RNF150: variants seen among roughly 807,000 people sequenced by gnomAD.
RNF150 encodes the protein ring finger protein 150.
A neutral mutation model predicts 39.3 loss-of-function variants in RNF150; 24 were observed. That is an observed-to-expected ratio of 0.61 (90% CI 0.44 to 0.86). RNF150 has a LOEUF of 0.86. Ranked by LOEUF, RNF150 falls within the 40% of genes least tolerant of loss-of-function variation. The pLI is 0.00. For synonymous variants in RNF150, 255 were observed against 227.3 expected (o/e 1.12, Z -1.10); for missense variants, 502 against 587.8 (o/e 0.85, Z 1.51).
At chr4:141,175,213 G>A (rs1179557496) in intron 1 of RNF150, among the ~76,000 whole-genome samples, 2 of 152,204 alleles carry the variant, frequency 1.3e-5, no homozygotes, top group Non-Finnish European at 2.9e-5. Flanking sequence ...CCGATTCGCT[G>A]TGCAACCTTG....
intron 1 of RNF150, among the ~76,000 whole-genome samples, chr4:141,111,163 C>T (rs1183678437): frequency 6.6e-6 from 1 of 152,182 alleles, no homozygotes; most frequent in African/African-American, 2.4e-5. Flanking sequence ...ACCATTGATC[C>T]TGAGGAATGG....
intron 1 of RNF150, among the ~76,000 whole-genome samples, chr4:141,145,507 A>T (rs188747665): frequency 4.1e-4 from 63 of 152,322 alleles, no homozygotes; most frequent in African/African-American, 1.4e-3. Flanking sequence ...CAGAGTGAGT[A>T]TGTAGGTGTA....
At chr4:141,105,665 T>C (rs1249707213) in intron 1 of RNF150, among the ~76,000 whole-genome samples, 1 of 152,102 alleles carries the variant, frequency 6.6e-6, no homozygotes, top group African/African-American at 2.4e-5. Context: ...TGAATCCACA[T>C]TTTCCTTCCA....
At chr4:141,033,867 C>A (rs1736043392) in intron 1 of RNF150, among the ~76,000 whole-genome samples, 1 of 152,154 alleles carries the variant, frequency 6.6e-6, no homozygotes, top group Admixed American at 6.5e-5. Context: ...AACAGATACA[C>A]CATCATCCAT....
Position 141,034,344 on chromosome 4 carries a change from G to A in RNF150, c.485-66471C>T, listed in dbSNP as rs1026614787. Among the ~76,000 whole-genome samples, 4 of 152,138 alleles carry A rather than the reference G, an allele frequency of 2.6e-5. No individual in the cohort carries two copies. The East Asian group carries it at 5.8e-4, about 22-fold the overall frequency. On this transcript the variant is annotated intron_variant, in intron 1 of 6. Transcript: ENST00000515673. ...TACCATTGAAGAGAATTAGGGTCTTGCTCTGGATTAGGCTTTGGCTTAAGG... is the reference window on the plus strand; with the variant it reads ...TACCATTGAAGAGAATTAGGGTCTTACTCTGGATTAGGCTTTGGCTTAAGG...
At chr4:140,902,421 A>G (rs758032348) in intron 6 of RNF150, among the ~76,000 whole-genome samples, 26 of 152,348 alleles carry the variant, frequency 1.7e-4, no homozygotes, top group Admixed American at 6.5e-4. Flanking sequence ...TTTGGTACAC[A>G]TTTTCTGAAG....
intron 4 of RNF150, among the ~76,000 whole-genome samples, chr4:140,935,048 T>A (rs867629616): frequency 1.1e-4 from 5 of 46,662 alleles, no homozygotes; most frequent in African/African-American, 2.5e-4. Context: ...TATATATAAA[T>A]ATATATATTA....
chr4:141,076,070 A>C (rs560383266), intron 1 of RNF150, among the ~76,000 whole-genome samples: 1 of 152,376 alleles, frequency 6.6e-6, no homozygotes, highest in South Asian at 2.1e-4. Flanking sequence ...AATATACATT[A>C]AAACATTACA....
At chr4:141,205,424 T>A (rs1005920130) in intron 1 of RNF150, among the ~76,000 whole-genome samples, 3 of 152,188 alleles carry the variant, frequency 2.0e-5, no homozygotes, top group Non-Finnish European at 4.4e-5. Flanking sequence ...ACAAAGAGAA[T>A]GAGAATTGGG....
chr4:141,075,257 A>G (rs1486201649), intron 1 of RNF150, among the ~76,000 whole-genome samples: 3 of 152,264 alleles, frequency 2.0e-5, no homozygotes, highest in African/African-American at 7.2e-5. Flanking sequence ...GAAAGCAGCT[A>G]TAGGCGATAC....
intron 6 of RNF150, among the ~76,000 whole-genome samples, chr4:140,896,551 G>C (rs1337871037): frequency 4.7e-5 from 4 of 84,704 alleles, no homozygotes; most frequent in African/African-American, 1.4e-4. Context: ...GTCGGGGGAG[G>C]GGGGAGGGAT....
chr4:141,104,735 T>C (rs148302904), intron 1 of RNF150, among the ~76,000 whole-genome samples: 2 of 152,384 alleles, frequency 1.3e-5, no homozygotes, highest in African/African-American at 4.8e-5. Flanking sequence ...GAAATGTATT[T>C]GCAATGGCAT....
At chr4:140,886,157 C>T (rs1242554102) in intron 6 of RNF150, among the ~76,000 whole-genome samples, 4 of 144,294 alleles carry the variant, frequency 2.8e-5, no homozygotes, top group Non-Finnish European at 6.0e-5. Flanking sequence ...CGCCACTGCG[C>T]TCCAGCCTGG....
chr4:140,928,549 TTC>T (rs1439491525), intron 4 of RNF150, among the ~76,000 whole-genome samples: 1 of 152,196 alleles, frequency 6.6e-6, no homozygotes, highest in Non-Finnish European at 1.5e-5. Context: ...GTATCTTTAT[TTC>T]TTTTTCTTTT....
chr4:141,094,545 G>C (rs1177373308), intron 1 of RNF150, among the ~76,000 whole-genome samples: 1 of 152,262 alleles, frequency 6.6e-6, no homozygotes, highest in African/African-American at 2.4e-5. Flanking sequence ...TACCGTGGTA[G>C]TGGATTTGTT....
At chr4:141,062,781 C>A (rs1208272856) in intron 1 of RNF150, among the ~76,000 whole-genome samples, 1 of 152,120 alleles carries the variant, frequency 6.6e-6, no homozygotes, top group East Asian at 1.9e-4. Context: ...GTCACCCAGG[C>A]AATGAGCACC....
At chr4:140,891,287 A>G (rs1319877251) in intron 6 of RNF150, among the ~76,000 whole-genome samples, 1 of 152,166 alleles carries the variant, frequency 6.6e-6, no homozygotes, top group Admixed American at 6.5e-5. Flanking sequence ...TAACTTTCAG[A>G]AAGGCTATAG....
At chr4:141,114,973 G>T (rs1167314834) in intron 1 of RNF150, among the ~76,000 whole-genome samples, 1 of 152,106 alleles carries the variant, frequency 6.6e-6, no homozygotes, top group Non-Finnish European at 1.5e-5. Flanking sequence ...CAATAAACTA[G>T]ATATTGATGG....
chr4:141,001,441 T>C (rs916408469), intron 1 of RNF150, among the ~76,000 whole-genome samples: 4 of 152,148 alleles, frequency 2.6e-5, no homozygotes, highest in Non-Finnish European at 2.9e-5. Context: ...AAGACTTGTG[T>C]TTTCTATTTT....
Sources: gnomAD v4.1 joint callset for allele counts (sites outside exome capture counted in the v4.1 genomes callset) on GRCh38, gnomAD v4.1.1 for gene constraint, MANE v1.5 for transcripts, NCBI Gene and HGNC (gene_info 2026-07-23, HGNC 2026-07-21) for gene names.